The following NALF1 variants were observed in gnomAD, a reference collection of about 807,000 sequenced individuals.
NALF1 encodes the protein NALCN channel auxiliary factor 1.
In NALF1, 3 loss-of-function variants were observed where a neutral mutation model predicts 48.4. That is an observed-to-expected ratio of 0.06 (90% CI 0.03 to 0.16). The LOEUF is 0.16. NALF1 is among the 10% of genes least tolerant of loss of function. The pLI is 1.00. For synonymous variants in NALF1, 262 were observed against 245.7 expected (o/e 1.07, Z -0.62); for missense variants, 526 against 571.5 (o/e 0.92, Z 0.81).
intron 1 of NALF1, among the ~76,000 whole-genome samples, chr13:107,583,705 T>C (rs12862391): frequency 0.045 from 6,809 of 152,270 alleles, 205 homozygotes; most frequent in Middle Eastern, 0.12. Flanking sequence ...TAAATACACA[T>C]TTTTGGAAGT....
chr13:107,201,948 G>C (rs1252181999), intron 2 of NALF1, among the ~76,000 whole-genome samples: 1 of 152,028 alleles, frequency 6.6e-6, no homozygotes, highest in Non-Finnish European at 1.5e-5. Context: ...TCTATGCCTG[G>C]GTTCGTCACT....
At chr13:107,324,277 C>G (rs1013131337) in intron 1 of NALF1, among the ~76,000 whole-genome samples, 6 of 152,096 alleles carry the variant, frequency 3.9e-5, no homozygotes, top group African/African-American at 1.4e-4. Context: ...TTCAAAAGGC[C>G]TATCATTTTA....
intron 1 of NALF1, among the ~76,000 whole-genome samples, chr13:107,458,404 T>G (rs945550939): frequency 2.0e-5 from 3 of 152,170 alleles, no homozygotes; most frequent in Non-Finnish European, 2.9e-5. Context: ...GAACAGTGTG[T>G]GCCAATGCGC....
chr13:107,278,865 A>G (rs1031524277), intron 1 of NALF1, among the ~76,000 whole-genome samples: 8 of 152,134 alleles, frequency 5.3e-5, no homozygotes, highest in African/African-American at 1.9e-4. Flanking sequence ...TCTATTTTAA[A>G]TATTCTGCCA....
chr13:107,630,957 T>C (rs1015668269), intron 1 of NALF1, among the ~76,000 whole-genome samples: 2 of 152,130 alleles, frequency 1.3e-5, no homozygotes, highest in Non-Finnish European at 2.9e-5. Flanking sequence ...AAATATTCTC[T>C]TATGTTGGAA....
Position 107,279,249 on chromosome 13 carries a change from G to GTT in NALF1, c.916-68496_916-68495dup, listed in dbSNP as rs527825270. Among the ~76,000 whole-genome samples the GTT allele has an allele frequency of 1.3e-3, 192 of 151,000 alleles. 3 individuals are homozygous for GTT. The highest frequency in any genetic ancestry group is 6.8e-3 in the Middle Eastern group (2 of 294). ...TCATGCCTCAACCATTTTTCTCTCTGTTTTTTTTGTTTTGTTTTTCTTTGA... is the reference window on the plus strand; with the variant it reads ...TCATGCCTCAACCATTTTTCTCTCTGTTTTTTTTTTGTTTTGTTTTTCTTTGA... On this transcript the variant is annotated intron_variant, in intron 1 of 2. Transcript: ENST00000375915.
chr13:107,855,427 T>C (rs1880420248), intron 1 of NALF1, among the ~76,000 whole-genome samples: 1 of 152,194 alleles, frequency 6.6e-6, no homozygotes, highest in Non-Finnish European at 1.5e-5. Flanking sequence ...TCAAGACAAT[T>C]CTTCTTCCAA....
At chr13:107,855,931 A>G (rs1880431258) in intron 1 of NALF1, among the ~76,000 whole-genome samples, 1 of 151,828 alleles carries the variant, frequency 6.6e-6, no homozygotes, top group Non-Finnish European at 1.5e-5. Context: ...TTTTTCAGAC[A>G]GGTTGTTGCC....
At chr13:107,857,641 A>T (rs2138647324) in intron 1 of NALF1, among the ~76,000 whole-genome samples, 1 of 152,312 alleles carries the variant, frequency 6.6e-6, no homozygotes, top group East Asian at 1.9e-4. Flanking sequence ...GGAATGAAAC[A>T]TTTTACTCCA....
chr13:107,285,003 A>C (rs532935304), intron 1 of NALF1, among the ~76,000 whole-genome samples: 1 of 152,346 alleles, frequency 6.6e-6, no homozygotes, highest in African/African-American at 2.4e-5. Context: ...TCACTAGGAA[A>C]GTTCAACAGC....
intron 1 of NALF1, among the ~76,000 whole-genome samples, chr13:107,251,861 C>T (rs1880707088): frequency 6.6e-6 from 1 of 152,122 alleles, no homozygotes; most frequent in Admixed American, 6.5e-5. Flanking sequence ...TTAGTAATAT[C>T]TTTATTATTT....
chr13:107,500,957 T>TG (rs920280499), intron 1 of NALF1, among the ~76,000 whole-genome samples: 1 of 110,038 alleles, frequency 9.1e-6, no homozygotes, highest in East Asian at 2.7e-4. Context: ...TGTTGTGGGG[T>TG]GGGGGGAGTG....
intron 1 of NALF1, among the ~76,000 whole-genome samples, chr13:107,775,240 G>A (rs1164876985): frequency 1.6e-5 from 2 of 127,688 alleles, no homozygotes; most frequent in Admixed American, 1.0e-4. Flanking sequence ...AGAGTGTGAT[G>A]TTCCCCTTCC....
chr13:107,622,273 A>G (rs1879539801), intron 1 of NALF1, among the ~76,000 whole-genome samples: 1 of 151,988 alleles, frequency 6.6e-6, no homozygotes, highest in South Asian at 2.1e-4. Flanking sequence ...TACTAAAAAA[A>G]CACAAAATTA....
intron 1 of NALF1, among the ~76,000 whole-genome samples, chr13:107,686,295 T>A (rs911673820): frequency 2.0e-5 from 3 of 152,220 alleles, no homozygotes; most frequent in Non-Finnish European, 2.9e-5. Flanking sequence ...CAATTTCACA[T>A]GATTGAAAGT....
intron 1 of NALF1, among the ~76,000 whole-genome samples, chr13:107,523,990 T>C (rs1406213431): frequency 6.6e-6 from 1 of 152,178 alleles, no homozygotes; most frequent in Admixed American, 6.5e-5. Context: ...TTAATTTGTG[T>C]AGACAATTCC....
In NALF1 at chr13:107,166,630, A is replaced by G. The variant is rs1045928884; in HGVS notation, c.*3867T>C. On this transcript the variant is annotated 3_prime_UTR_variant, in exon 3 of 3. Coordinates refer to ENST00000375915, the MANE Select transcript of NALF1 (RefSeq NM_001080396.3). Reference sequence around the variant, plus strand: ...TTCAGATATCAAATACCATATGCCAATTCAGGTATTTGGCACATGGGTCTG... The same window carrying G: ...TTCAGATATCAAATACCATATGCCAGTTCAGGTATTTGGCACATGGGTCTG... 1 of 152,164 alleles carries G rather than the reference A, an allele frequency of 6.6e-6. No individual in the cohort carries two copies. Among genetic ancestry groups the G allele is most frequent in the Non-Finnish European group, 1.5e-5 (1 of 68,026 alleles). The allele number at this position is 152,164 out of a possible 1,614,324, so 9.4% of individuals were successfully genotyped here.
rs571494040 is a variant in NALF1, at chr13:107,506,617, T to C, written c.916-295862A>G. Among the ~76,000 whole-genome samples, 5 of 152,298 alleles carry C rather than the reference T, an allele frequency of 3.3e-5. No homozygotes were observed. The South Asian group carries it at 8.3e-4, about 25-fold the overall frequency. On this transcript the variant is annotated intron_variant, in intron 1 of 2. Transcript: ENST00000375915. ...TTCTCTATTTATTTTGGAAACTTCA[T>C]ATGCATAACATGACTAATTATGGGT...
At chr13:107,567,137 T>C (rs189974110) in intron 1 of NALF1, among the ~76,000 whole-genome samples, 1 of 152,352 alleles carries the variant, frequency 6.6e-6, no homozygotes, top group African/African-American at 2.4e-5. Flanking sequence ...TTTGTCCTTA[T>C]ATGTGATAAC....
Sources: allele counts gnomAD v4.1 joint callset (sites outside exome capture counted in the v4.1 genomes callset), GRCh38; gene constraint gnomAD v4.1.1; transcripts MANE v1.5; gene names NCBI Gene and HGNC (gene_info 2026-07-23, HGNC 2026-07-21).